Variants in CACNG2 observed in about 807,000 individuals in gnomAD.
The protein encoded by CACNG2 is calcium voltage-gated channel auxiliary subunit gamma 2, also known as voltage-dependent calcium channel gamma-2 subunit.
Under a neutral mutation model 25.9 loss-of-function variants are expected in CACNG2, and 3 were observed. The ratio of observed to expected loss-of-function variants is 0.12; its 90% confidence interval spans 0.05 to 0.30. CACNG2 has a LOEUF of 0.30. Among genes scored for constraint, CACNG2 ranks in the 10% least tolerant of loss-of-function variants. The probability of loss-of-function intolerance (pLI) is 1.00; values close to 1 mark genes in which losing one functional copy is unlikely to be tolerated. For synonymous variants in CACNG2, 167 were observed against 173.3 expected, an observed-to-expected ratio of 0.96 and a Z score of 0.29; for missense variants, 341 against 432.5, an observed-to-expected ratio of 0.79 and a Z score of 1.88.
At chr22:36,652,678 G>A (rs1936637783) in intron 1 of CACNG2, among the ~76,000 whole-genome samples, 1 of 152,112 alleles carries the variant, frequency 6.6e-6, no homozygotes, top group South Asian at 2.1e-4. Context: ...GACACTGTAA[G>A]GGCAGAAAGG....
chr22:36,670,943 G>A (rs971509895), intron 1 of CACNG2, among the ~76,000 whole-genome samples: 27 of 146,514 alleles, frequency 1.8e-4, no homozygotes, highest in African/African-American at 6.5e-4. Context: ...TTTTTGAGAC[G>A]GAGTCTTGCT....
intron 1 of CACNG2, among the ~76,000 whole-genome samples, chr22:36,613,154 C>T (rs1187014602): frequency 2.7e-5 from 2 of 73,900 alleles, no homozygotes; most frequent in African/African-American, 6.3e-5. Flanking sequence ...ATTACAGGCT[C>T]TCTGTGTGTG....
In CACNG2 at chr22:36,695,797, T is replaced by C. The variant is rs1937331718; in HGVS notation, c.211+6569A>G. On this transcript the variant is annotated intron_variant, in intron 1 of 3. Transcript: ENST00000300105. ...ATTATGTGAATTGGGATTCAAATAA[T>C]GTGAATCGGGGTTCAACAAGGGCAG... is the stretch of plus-strand genomic sequence containing the variant. Among the ~76,000 whole-genome samples the C allele has an allele frequency of 2.0e-5, 3 of 152,260 alleles. No homozygotes were observed. The South Asian group carries it at 6.2e-4, about 32-fold the overall frequency.
At position 36,564,193 on chromosome 22, in the gene CACNG2, G is replaced by T. The variant is rs543604280; in HGVS notation, c.*158C>A. The T allele has an allele frequency of 1.4e-3, 732 of 527,148 alleles. 3 individuals carry two copies. The highest frequency in any genetic ancestry group is 3.5e-3 in the South Asian group (98 of 28,090). The allele number at this position is 527,148 out of a possible 1,614,324, so 32.7% of individuals were successfully genotyped here. On this transcript the variant is annotated 3_prime_UTR_variant, in exon 4 of 4. Transcript: ENST00000300105. The surrounding 1 kb of genome is among the most constrained non-coding windows in gnomAD (Gnocchi z 6.7). ...CTTGTTATGTTTTTTCTCTTTTTTT[G>T]TGTGTGTGTGTTTTTTTGTTTTTTG...
chr22:36,665,531 C>T lies in CACNG2; in HGVS notation c.211+36835G>A, dbSNP rs528151877. Among the ~76,000 whole-genome samples, 20 of 152,218 alleles carry T rather than the reference C, an allele frequency of 1.3e-4. No individual in the cohort carries two copies. The East Asian group carries it at 1.7e-3, about 13-fold the overall frequency. ...CCCATGAGTGCAAAAACCAACAACT[C>T]GACTCAAAAATGGGCAAACAACTTG... On this transcript the variant is annotated intron_variant, in intron 1 of 3. Transcript: ENST00000300105.
At chr22:36,620,131 AG>A (rs1344210406) in intron 1 of CACNG2, among the ~76,000 whole-genome samples, 1 of 152,256 alleles carries the variant, frequency 6.6e-6, no homozygotes, top group Non-Finnish European at 1.5e-5. Flanking sequence ...GAGTCTAGGA[AG>A]GACTAATAGA....
At chr22:36,566,574 C>T in intron 2 of CACNG2, 81 bp from the exon 3 acceptor site, 1 of 1,473,486 alleles carries the variant, frequency 6.8e-7, no homozygotes, top group Non-Finnish European at 9.5e-7. Context: ...GGGAGAGCAG[C>T]CCCGAGGCGC....
chr22:36,664,924 G>A (rs1014337666), intron 1 of CACNG2, among the ~76,000 whole-genome samples: 9 of 152,150 alleles, frequency 5.9e-5, no homozygotes, highest in African/African-American at 1.4e-4. Flanking sequence ...CAGCTCTGAC[G>A]AGGGGGTGCC....
At chr22:36,641,152 C>T (rs1202872372) in intron 1 of CACNG2, among the ~76,000 whole-genome samples, 1 of 152,178 alleles carries the variant, frequency 6.6e-6, no homozygotes, top group Admixed American at 6.5e-5. Context: ...ACTCTCTGTC[C>T]CCTTGCCCTG....
intron 1 of CACNG2, among the ~76,000 whole-genome samples, chr22:36,630,166 G>T (rs970978061): frequency 1.3e-5 from 2 of 152,168 alleles, no homozygotes; most frequent in African/African-American, 4.8e-5. Flanking sequence ...TAGCACTGTG[G>T]GCTCTGCTGA....
At chr22:36,582,459 G>A (rs1460393100) in intron 2 of CACNG2, among the ~76,000 whole-genome samples, 1 of 149,682 alleles carries the variant, frequency 6.7e-6, no homozygotes, top group Middle Eastern at 3.2e-3. Context: ...AGGCTGGAGT[G>A]CAATGGCATG....
intron 1 of CACNG2, among the ~76,000 whole-genome samples, chr22:36,607,498 C>T (rs1435647469): frequency 1.3e-5 from 2 of 152,198 alleles, no homozygotes; most frequent in East Asian, 1.9e-4. Context: ...CACCTCTCAG[C>T]CTCCCGAAGT....
chr22:36,591,655 G>A (rs976121907), intron 1 of CACNG2, among the ~76,000 whole-genome samples: 1 of 152,146 alleles, frequency 6.6e-6, no homozygotes, highest in Non-Finnish European at 1.5e-5. Flanking sequence ...TCTGGTGACA[G>A]AGCAAGACTC....
At chr22:36,679,380 CAG>C (rs1937066554) in intron 1 of CACNG2, among the ~76,000 whole-genome samples, 1 of 152,034 alleles carries the variant, frequency 6.6e-6, no homozygotes, top group Non-Finnish European at 1.5e-5. Context: ...CTTTCTATGT[CAG>C]TAGGGCTCCT....
intron 1 of CACNG2, among the ~76,000 whole-genome samples, chr22:36,630,503 A>G (rs1033245245): frequency 6.6e-6 from 1 of 152,068 alleles, no homozygotes; most frequent in Admixed American, 6.5e-5. Flanking sequence ...GGAATCTAAT[A>G]TACCTCAGGA....
rs147299446 is a variant in CACNG2, at chr22:36,569,830, G to A, written c.296-3337C>T. The stretch of plus-strand genomic sequence containing the variant: ...GCTGGGATTACAGGCCTGAGCCACC[G>A]CGCCCGGCCGTTAGATAGTTTCTAA... On this transcript the variant is annotated intron_variant, in intron 2 of 3. Transcript: ENST00000300105. Among the ~76,000 whole-genome samples the A allele has an allele frequency of 6.5e-3, 993 of 152,258 alleles. 12 individuals carry two copies. The highest frequency in any genetic ancestry group is 0.022 in the African/African-American group (928 of 41,532).
intron 1 of CACNG2, among the ~76,000 whole-genome samples, chr22:36,666,135 T>C (rs901848510): frequency 1.3e-5 from 2 of 152,206 alleles, no homozygotes; most frequent in Non-Finnish European, 2.9e-5. Context: ...TCAGGTGCAG[T>C]GGCTCAAACC....
chr22:36,598,613 C>T lies in CACNG2; in HGVS notation c.212-11065G>A, dbSNP rs114301161. Among the ~76,000 whole-genome samples the T allele has an allele frequency of 6.7e-3, 1,012 of 151,488 alleles. 15 individuals are homozygous for T. Among genetic ancestry groups the T allele is most frequent in the African/African-American group, 0.024 (981 of 41,328 alleles). ...AGCCTTGGTGACAAGAGCAAGAATC[C>T]GTCTAAAAACAAAACAAAACAACTC... is the stretch of plus-strand genomic sequence containing the variant. On this transcript the variant is annotated intron_variant, in intron 1 of 3. Transcript: ENST00000300105.
rs946742385 is a variant in CACNG2 at position 36,606,907 on chromosome 22, T to C, written c.212-19359A>G. Among the ~76,000 whole-genome samples, 1 of 151,730 alleles carries C rather than the reference T, an allele frequency of 6.6e-6. No homozygotes were observed. Among genetic ancestry groups the C allele is most frequent in the African/African-American group, 2.4e-5 (1 of 41,278 alleles). ...TCTGTGTGTGTGTCTGTGGTGTGTGTATGCATGTGTGTGTATATGTGTGTA... is the reference window on the plus strand; with the variant it reads ...TCTGTGTGTGTGTCTGTGGTGTGTGCATGCATGTGTGTGTATATGTGTGTA... On this transcript the variant is annotated intron_variant, in intron 1 of 3. Coordinates refer to ENST00000300105, the MANE Select transcript of CACNG2 (RefSeq NM_006078.5). The surrounding 1 kb of genome is among the most constrained non-coding windows in gnomAD (Gnocchi z 5.7).
Sources: allele counts gnomAD v4.1 joint callset (sites outside exome capture counted in the v4.1 genomes callset), GRCh38; gene constraint gnomAD v4.1.1; non-coding constraint Gnocchi (gnomAD v3.1); transcripts MANE v1.5; gene names NCBI Gene and HGNC (gene_info 2026-07-23, HGNC 2026-07-21).